The following CACNA2D3 variants were observed in gnomAD, a reference collection of about 807,000 sequenced individuals.
The protein encoded by CACNA2D3 is voltage-dependent calcium channel subunit alpha-2/delta-3.
A neutral mutation model predicts 160.6 loss-of-function variants in CACNA2D3; 60 were observed. That is an observed-to-expected ratio of 0.37 (90% CI 0.30 to 0.46). CACNA2D3 has a LOEUF of 0.46. Ranked by LOEUF, CACNA2D3 falls within the 20% of genes least tolerant of loss-of-function variation. The pLI is 1.00. For missense variants in CACNA2D3, 1,205 were observed against 1,365.0 expected (o/e 0.88, Z 1.85); for synonymous variants, 558 against 492.9 (o/e 1.13, Z -1.75).
At chr3:55,029,483 G>A (rs1703639006) in intron 35 of CACNA2D3, among the ~76,000 whole-genome samples, 3 of 152,200 alleles carry the variant, frequency 2.0e-5, no homozygotes, top group East Asian at 1.9e-4. Flanking sequence ...TGTTGACAGG[G>A]ATGCAGGAAA....
intron 27 of CACNA2D3, among the ~76,000 whole-genome samples, chr3:54,911,334 C>T (rs1188942830): frequency 7.8e-6 from 1 of 127,910 alleles, no homozygotes; most frequent in African/African-American, 3.1e-5. Flanking sequence ...CTCCTCCTCC[C>T]CCTCCTTCTT....
At chr3:54,763,687 GTGTATATA>G (rs1337990891) in intron 12 of CACNA2D3, among the ~76,000 whole-genome samples, 47 of 136,754 alleles carry the variant, frequency 3.4e-4, no homozygotes, top group Middle Eastern at 7.8e-3. Context: ...GTATATATGT[GTGTATATA>G]TGTATATATG....
At chr3:54,809,508 CG>C (rs1703240578) in intron 13 of CACNA2D3, among the ~76,000 whole-genome samples, 1 of 144,076 alleles carries the variant, frequency 6.9e-6, no homozygotes, top group Non-Finnish European at 1.5e-5. Context: ...TTAGTAGAGA[CG>C]GGGTTTCACC....
intron 3 of CACNA2D3, among the ~76,000 whole-genome samples, chr3:54,367,960 C>T (rs1418857453): frequency 6.6e-6 from 1 of 152,150 alleles, no homozygotes; most frequent in Non-Finnish European, 1.5e-5. Flanking sequence ...TATTAGTTAT[C>T]AGCAAAGAAA....
Position 54,200,642 on chromosome 3 carries a change from C to T in CACNA2D3, c.204+77048C>T, listed in dbSNP as rs573806017. Among the ~76,000 whole-genome samples, 8 of 152,246 alleles carry T rather than the reference C, an allele frequency of 5.3e-5. No homozygotes were observed. In the East Asian group the frequency reaches 1.2e-3, roughly 22 times the overall value. ...GCATCAAGGTAAAATAAAATGCAAA[C>T]GATCTCTAGCATATATTTGTGATTT... On this transcript the variant is annotated intron_variant, in intron 2 of 37. Coordinates refer to ENST00000474759, the MANE Select transcript of CACNA2D3 (RefSeq NM_018398.3).
At chr3:54,862,642 A>G (rs771314010) in intron 17 of CACNA2D3, among the ~76,000 whole-genome samples, 2 of 152,128 alleles carry the variant, frequency 1.3e-5, no homozygotes, top group Non-Finnish European at 2.9e-5. Context: ...CATCTCAGAG[A>G]TGGTGAGACT....
At chr3:54,696,657 A>G (rs1217438669) in intron 11 of CACNA2D3, among the ~76,000 whole-genome samples, 3 of 152,052 alleles carry the variant, frequency 2.0e-5, no homozygotes, top group East Asian at 1.9e-4. Flanking sequence ...CTGTATGTGC[A>G]CCTACCATCA....
At chr3:54,422,177 C>T (rs1204049201) in intron 4 of CACNA2D3, among the ~76,000 whole-genome samples, 1 of 152,110 alleles carries the variant, frequency 6.6e-6, no homozygotes, top group Non-Finnish European at 1.5e-5. Flanking sequence ...GCCTGCAGTC[C>T]CCTGGGGTGG....
intron 2 of CACNA2D3, among the ~76,000 whole-genome samples, chr3:54,289,480 G>A (rs562101803): frequency 6.6e-6 from 1 of 152,040 alleles, no homozygotes; most frequent in East Asian, 1.9e-4. Context: ...TGGCCATACT[G>A]CCCAAGGTAA....
chr3:54,976,927 T>C (rs1702403191), intron 29 of CACNA2D3, among the ~76,000 whole-genome samples: 1 of 152,166 alleles, frequency 6.6e-6, no homozygotes, highest in African/African-American at 2.4e-5. Flanking sequence ...AGAAGAAAGG[T>C]CAGAAAAAGA....
chr3:54,339,739 G>A (rs1363768644), intron 3 of CACNA2D3, among the ~76,000 whole-genome samples: 2 of 152,070 alleles, frequency 1.3e-5, no homozygotes, highest in East Asian at 3.9e-4. Flanking sequence ...TTAATTAATA[G>A]CCTTTTAAAA....
At chr3:54,672,020 A>T (rs1159285514) in intron 11 of CACNA2D3, among the ~76,000 whole-genome samples, 2 of 152,204 alleles carry the variant, frequency 1.3e-5, no homozygotes, top group Non-Finnish European at 2.9e-5. Flanking sequence ...GTACTCTGAA[A>T]GTTTCCCCAT....
chr3:54,341,285 A>T (rs1418617169), intron 3 of CACNA2D3, among the ~76,000 whole-genome samples: 1 of 152,002 alleles, frequency 6.6e-6, no homozygotes, highest in Non-Finnish European at 1.5e-5. Context: ...CAACCCTTAG[A>T]CTCTACCAGT....
chr3:54,763,904 G>T (rs896630511), intron 12 of CACNA2D3, among the ~76,000 whole-genome samples: 1 of 110,988 alleles, frequency 9.0e-6, no homozygotes, highest in African/African-American at 3.6e-5. Flanking sequence ...TGTGGGGGGG[G>T]GGGGTGCATA....
At position 54,879,040 on chromosome 3, in the gene CACNA2D3, G is replaced by A. The variant is rs753921913; in HGVS notation, c.1733G>A (p.Arg578Gln). The A allele has an allele frequency of 2.9e-5, 46 of 1,605,204 alleles. No homozygotes were observed. Among genetic ancestry groups the A allele is most frequent in the African/African-American group, 1.2e-4 (9 of 74,468 alleles). The change falls in exon 19 of 38, where the codon CGA (arginine) becomes CAA (glutamine). Residue 578 changes from arginine (R) to glutamine (Q), a missense_variant. Around this residue, in one of 3 missense-constraint regions of CACNA2D3, gnomAD observed 911 missense variants for 1,002.2 expected, o/e 0.91. Coordinates refer to ENST00000474759, the MANE Select transcript of CACNA2D3 (RefSeq NM_018398.3). The part of the protein sequence containing the change: ...DDVLRNAMVN[R>Q]KTGKFSMEVK... ...TAGTTGAGAAATGCTATGGTGAATC[G>A]AAAGACGGGGAAGTTTTCCATGGAG...
At chr3:54,393,221 C>T (rs1268703119) in intron 4 of CACNA2D3, among the ~76,000 whole-genome samples, 4 of 152,148 alleles carry the variant, frequency 2.6e-5, no homozygotes, top group Admixed American at 2.0e-4. Flanking sequence ...CCATCGTCGA[C>T]GTGGAGACTT....
At chr3:54,457,953 T>C (rs766154487) in intron 4 of CACNA2D3, among the ~76,000 whole-genome samples, 6 of 152,098 alleles carry the variant, frequency 3.9e-5, no homozygotes, top group African/African-American at 7.2e-5. Context: ...TATTCCTTTA[T>C]TTTAAGTCTT....
intron 13 of CACNA2D3, among the ~76,000 whole-genome samples, chr3:54,776,277 G>C (rs949823155): frequency 1.3e-5 from 2 of 152,190 alleles, no homozygotes; most frequent in African/African-American, 4.8e-5. Flanking sequence ...ACTTAGCGAG[G>C]CTTAGGCAGG....
chr3:55,028,776 T>A (rs988028874), intron 35 of CACNA2D3, among the ~76,000 whole-genome samples: 1 of 152,228 alleles, frequency 6.6e-6, no homozygotes, highest in African/African-American at 2.4e-5. Context: ...TAGTGTGTGC[T>A]TTTTTAGTTA....
Sources: allele counts gnomAD v4.1 joint callset (sites outside exome capture counted in the v4.1 genomes callset), GRCh38; gene constraint gnomAD v4.1.1; regional missense constraint gnomAD v4.1.1; transcripts MANE v1.5; gene names NCBI Gene and HGNC (gene_info 2026-07-23, HGNC 2026-07-21).